TNFSF4: variants seen among roughly 807,000 people sequenced by gnomAD.
TNFSF4 encodes tumor necrosis factor ligand superfamily member 4.
A neutral mutation model predicts 7.3 loss-of-function variants in TNFSF4; 4 were observed. The observed-to-expected ratio is 0.55, with a 90% CI of 0.27 to 1.25. TNFSF4 has a LOEUF of 1.25. Ranked by LOEUF, TNFSF4 falls within the 50% of genes most tolerant of loss-of-function variation. TNFSF4 has a pLI of 0.12. For synonymous variants in TNFSF4, 76 were observed against 83.7 expected, an observed-to-expected ratio of 0.91 and a Z score of 0.50; for missense variants, 181 against 208.8, an observed-to-expected ratio of 0.87 and a Z score of 0.82.
At chr1:173,246,244 T>C in the TNFSF4 span, among the ~76,000 whole-genome samples, 3 of 152,182 alleles carry the variant, frequency 2.0e-5, no homozygotes, top group Non-Finnish European at 4.4e-5. Flanking sequence ...ACCTATTAAC[T>C]GGTCACCTTG....
the TNFSF4 span, among the ~76,000 whole-genome samples, chr1:173,388,321 T>G: frequency 6.6e-6 from 1 of 152,260 alleles, no homozygotes. Flanking sequence ...TATATGCATA[T>G]GCATGTTATG....
At chr1:173,394,919 G>GAGATAGATAGAT in the TNFSF4 span, among the ~76,000 whole-genome samples, 154 of 150,120 alleles carry the variant, frequency 1.0e-3, no homozygotes, top group African/African-American at 2.2e-3. Flanking sequence ...TAGATAGATA[G>GAGATAGATAGAT]AGATAGATAG....
At chr1:173,299,400 T>C in the TNFSF4 span, among the ~76,000 whole-genome samples, 1 of 151,880 alleles carries the variant, frequency 6.6e-6, no homozygotes, top group Admixed American at 6.6e-5. Flanking sequence ...GTGTTAGGAT[T>C]CTGAGGGGCT....
chr1:173,383,702 A>G, the TNFSF4 span, among the ~76,000 whole-genome samples: 2 of 152,132 alleles, frequency 1.3e-5, no homozygotes, highest in Admixed American at 1.3e-4. Flanking sequence ...TTTTCAGATC[A>G]ACAGTGTTAA....
chr1:173,410,452 T>C, the TNFSF4 span, among the ~76,000 whole-genome samples: 5 of 152,208 alleles, frequency 3.3e-5, no homozygotes, highest in African/African-American at 9.7e-5. Flanking sequence ...ATTCACTCAC[T>C]CACTGGTTCT....
the TNFSF4 span, among the ~76,000 whole-genome samples, chr1:173,427,089 G>A: frequency 6.6e-6 from 1 of 152,170 alleles, no homozygotes; most frequent in Non-Finnish European, 1.5e-5. Flanking sequence ...AATTTGTATT[G>A]TTTAAGCCAC....
the TNFSF4 span, among the ~76,000 whole-genome samples, chr1:173,380,696 C>T: frequency 6.6e-6 from 1 of 152,272 alleles, no homozygotes; most frequent in South Asian, 2.1e-4. Context: ...CTAGTAGATA[C>T]AGAACAATTT....
chr1:173,409,392 T>C, the TNFSF4 span, among the ~76,000 whole-genome samples: 1 of 152,220 alleles, frequency 6.6e-6, no homozygotes, highest in Non-Finnish European at 1.5e-5. Flanking sequence ...TTAATACTTT[T>C]ATAACTTAGA....
chr1:173,310,015 ACT>A, the TNFSF4 span, among the ~76,000 whole-genome samples: 1 of 151,914 alleles, frequency 6.6e-6, no homozygotes, highest in Non-Finnish European at 1.5e-5. Context: ...TCAGTTCTGT[ACT>A]AATGTCACCT....
At chr1:173,438,754 A>C in the TNFSF4 span, among the ~76,000 whole-genome samples, 1 of 152,150 alleles carries the variant, frequency 6.6e-6, no homozygotes, top group Non-Finnish European at 1.5e-5. Context: ...CTTGTTTTAT[A>C]TCTCATGCTT....
the TNFSF4 span, among the ~76,000 whole-genome samples, chr1:173,224,778 C>A: frequency 6.6e-6 from 1 of 152,170 alleles, no homozygotes; most frequent in African/African-American, 2.4e-5. Context: ...TGGGAGTAGG[C>A]TTGCAATGCT....
At chr1:173,233,405 T>G in the TNFSF4 span, among the ~76,000 whole-genome samples, 3,835 of 152,142 alleles carry the variant, frequency 0.025, 64 homozygotes, top group Admixed American at 0.054. Context: ...AAAACACTCT[T>G]CAGGATATTA....
At chr1:173,272,646 C>T in the TNFSF4 span, among the ~76,000 whole-genome samples, 1 of 152,138 alleles carries the variant, frequency 6.6e-6, no homozygotes, top group Admixed American at 6.5e-5. Flanking sequence ...TCAAAACATT[C>T]TTGTAATAAG....
chr1:173,323,531 G>A, the TNFSF4 span, among the ~76,000 whole-genome samples: 1 of 152,236 alleles, frequency 6.6e-6, no homozygotes, highest in Non-Finnish European at 1.5e-5. Context: ...TTGACGAGTT[G>A]AGAGGGGAAG....
At chr1:173,435,179 G>A in the TNFSF4 span, among the ~76,000 whole-genome samples, 2 of 152,168 alleles carry the variant, frequency 1.3e-5, no homozygotes, top group African/African-American at 4.8e-5. Context: ...CCCCTATATA[G>A]ATGGACCCAG....
chr1:173,258,462 T>G, the TNFSF4 span, among the ~76,000 whole-genome samples: 1 of 152,156 alleles, frequency 6.6e-6, no homozygotes, highest in South Asian at 2.1e-4. Flanking sequence ...GCATTTTCCA[T>G]GGATCTATGC....
chr1:173,426,164 C>A, the TNFSF4 span, among the ~76,000 whole-genome samples: 7 of 152,296 alleles, frequency 4.6e-5, no homozygotes, highest in South Asian at 1.4e-3. Context: ...TCCTGCGAGT[C>A]AGTCTTCCCT....
At chr1:173,282,804 T>C in the TNFSF4 span, among the ~76,000 whole-genome samples, 3 of 152,222 alleles carry the variant, frequency 2.0e-5, no homozygotes, top group African/African-American at 7.2e-5. Context: ...CTTAAACATG[T>C]GATGACTCTT....
the TNFSF4 span, among the ~76,000 whole-genome samples, chr1:173,341,166 CT>C: frequency 6.6e-6 from 1 of 152,166 alleles, no homozygotes; most frequent in African/African-American, 2.4e-5. Flanking sequence ...TCAATTAAAC[CT>C]CTTTCTTTGT....
Sources: gnomAD v4.1 joint callset for allele counts (sites outside exome capture counted in the v4.1 genomes callset) on GRCh38, gnomAD v4.1.1 for gene constraint, MANE v1.5 for transcripts, NCBI Gene and HGNC (gene_info 2026-07-23, HGNC 2026-07-21) for gene names.